The following ESPNL variants were observed in gnomAD, a reference collection of about 807,000 sequenced individuals.
ESPNL encodes the protein espin like, also known as espin-like protein.
A neutral mutation model predicts 46.8 loss-of-function variants in ESPNL; 49 were observed. The observed-to-expected ratio is 1.05, with a 90% CI of 0.83 to 1.33. The LOEUF (loss-of-function observed/expected upper bound fraction) is 1.33, where lower values mean the gene tolerates loss of function less well. Ranked by LOEUF, ESPNL falls within the 40% of genes most tolerant of loss-of-function variation. The pLI is 0.00. For synonymous variants in ESPNL, 664 were observed against 662.1 expected (o/e 1.00, Z -0.04); for missense variants, 1,540 against 1,436.6 (o/e 1.07, Z -1.16).
chr2:238,105,200 C>T (rs4663837), intron 3 of ESPNL, among the ~76,000 whole-genome samples: 20,592 of 152,128 alleles, frequency 0.14, 1,592 homozygotes, highest in South Asian at 0.29. Flanking sequence ...TTGGGCCACT[C>T]GACCACTTGT....
intron 4 of ESPNL, among the ~76,000 whole-genome samples, chr2:238,116,148 T>A (rs1041840483): frequency 6.6e-6 from 1 of 152,210 alleles, no homozygotes; most frequent in African/African-American, 2.4e-5. Context: ...CACAGAAATG[T>A]TTACAGAATA....
Position 238,130,660 on chromosome 2 carries a change from G to T in ESPNL, c.1946G>T (p.Gly649Val). Residue 649 changes from glycine (G) to valine (V), a missense_variant, in exon 9 of 9, where the codon GGG becomes GTG. Coordinates refer to ENST00000343063, the MANE Select transcript of ESPNL (RefSeq NM_194312.4). ...SEAQRQIQEWGVSVRTLRGNF... is the reference protein window; with the variant it reads ...SEAQRQIQEWVVSVRTLRGNF... ...GCCCAGCGCCAGATCCAGGAGTGGG[G>T]GGTGTCTGTGCGGACGCTGCGGGGC... 2 of 1,561,626 alleles carry T rather than the reference G, an allele frequency of 1.3e-6. No individual in the cohort carries two copies. Among genetic ancestry groups the T allele is most frequent in the South Asian group, 2.3e-5 (2 of 85,114 alleles).
intron 7 of ESPNL, among the ~76,000 whole-genome samples, chr2:238,128,295 C>G (rs1337005764): frequency 6.6e-6 from 1 of 152,216 alleles, no homozygotes; most frequent in Non-Finnish European, 1.5e-5. Context: ...AGAGCTGGAG[C>G]GCGCACGGCA....
chr2:238,122,340 G>C (rs904682351), intron 5 of ESPNL, among the ~76,000 whole-genome samples: 1 of 152,250 alleles, frequency 6.6e-6, no homozygotes, highest in Admixed American at 6.5e-5. Flanking sequence ...CTAATACCGA[G>C]GGTGGCAGCA....
At chr2:238,104,888 G>T in intron 3 of ESPNL, 46 bp downstream of exon 3, 1 of 1,392,790 alleles carries the variant, frequency 7.2e-7, no homozygotes, top group Non-Finnish European at 9.4e-7. Context: ...GGGAGTGTGG[G>T]CCCTCCAGCA....
At position 238,131,639 on chromosome 2, in the gene ESPNL, C is replaced by T; in HGVS notation, c.2925C>T (p.Gly975=). ...GGCTGGGGTCCCGCTCCCAGCAGGG[C>T]AGCTTCAACGGTGAGGACATCTGCG... ...AQRLGSRSQQ[G]SFNGEDICGY... The change falls in exon 9 of 9, where the codon GGC becomes GGT. Residue 975 remains glycine, a synonymous_variant. Transcript: ENST00000343063. The T allele has an allele frequency of 1.2e-6, 2 of 1,610,876 alleles. No individual in the cohort carries two copies. The highest frequency in any genetic ancestry group is 1.7e-6 in the Non-Finnish European group (2 of 1,178,344).
rs1378176446 is a variant in ESPNL, at chr2:238,107,909, C to G, written c.791C>G (p.Pro264Arg). The G allele has an allele frequency of 1.1e-5, 18 of 1,613,150 alleles. No individual in the cohort carries two copies. Among genetic ancestry groups the G allele is most frequent in the Non-Finnish European group, 1.5e-5 (18 of 1,179,894 alleles). ...GACCGACTCCTGCTCATGGGTACCC[C>G]CATCCTGAGAGACTCCTGGGGTGGG... ...ILDRLLLMGTPILRDSWGGTP... is the reference protein window; with the variant it reads ...ILDRLLLMGTRILRDSWGGTP... Residue 264 changes from proline to arginine, a missense_variant, in exon 4 of 9, where the codon CCC becomes CGC. Pro to Arg is a moderately radical substitution (Grantham distance 103). Transcript: ENST00000343063.
Position 238,128,881 on chromosome 2 carries a change from G to T in ESPNL, c.1390G>T (p.Ala464Ser). Residue 464 changes from alanine (A) to serine (S), a missense_variant, in exon 8 of 9, where the codon GCA (alanine) becomes TCA (serine). Coordinates refer to ENST00000343063, the MANE Select transcript of ESPNL (RefSeq NM_194312.4). ...MVRKLQARLGAESSAEAQDNG... is the reference protein window; with the variant it reads ...MVRKLQARLGSESSAEAQDNG... ...GCGGAAGCTGCAGGCGCGCCTGGGCGCAGAGAGCTCCGCAGAGGCCCAGGT... is the reference window on the plus strand; with the variant it reads ...GCGGAAGCTGCAGGCGCGCCTGGGCTCAGAGAGCTCCGCAGAGGCCCAGGT... The T allele has an allele frequency of 1.9e-6, 3 of 1,543,926 alleles. No homozygotes were observed. Among genetic ancestry groups the T allele is most frequent in the Non-Finnish European group, 2.6e-6 (3 of 1,146,378 alleles).
chr2:238,104,611 A>C, intron 2 of ESPNL, 45 bp from the exon 3 acceptor site: 2 of 1,497,260 alleles, frequency 1.3e-6, no homozygotes, highest in South Asian at 2.7e-5. Context: ...GGATGGGCTC[A>C]GCCATAGGCA....
intron 1 of ESPNL, 90 bp from the exon 2 acceptor site, chr2:238,101,851 G>A: frequency 2.2e-6 from 2 of 929,032 alleles, no homozygotes; most frequent in Non-Finnish European, 3.3e-6. Flanking sequence ...GTTGCAGGCA[G>A]TGTGAGCCCT....
Position 238,114,932 on chromosome 2 carries a change from G to T in ESPNL, c.856-1971G>T, listed in dbSNP as rs557857071. On this transcript the variant is annotated intron_variant, in intron 4 of 8. Transcript: ENST00000343063. This position sits in a 1 kb window ranked among gnomAD's most constrained non-coding sequence, Gnocchi z 5.0. The stretch of plus-strand genomic sequence containing the variant: ...TGCTTACTCTCTGGAGGGCAGCACG[G>T]CACCCAGGAAGGCAGGCAGTGCGTG... Among the ~76,000 whole-genome samples, 17 of 152,364 alleles carry T rather than the reference G, an allele frequency of 1.1e-4. No homozygotes were observed. Among genetic ancestry groups the T allele is most frequent in the African/African-American group, 4.1e-4 (17 of 41,584 alleles).
chr2:238,131,684 T>C lies in ESPNL; in HGVS notation c.2970T>C (p.Phe990=). The C allele has an allele frequency of 6.3e-7, 1 of 1,597,722 alleles. No individual in the cohort carries two copies. The highest frequency in any genetic ancestry group is 1.3e-5 in the African/African-American group (1 of 74,720). ...EDICGYINRS[F]AFWKEKEAEM... The stretch of plus-strand genomic sequence containing the variant: ...TCTGCGGCTACATCAACCGCAGCTT[T>C]GCCTTCTGGAAGGAGAAGGAAGCTG... The change falls in exon 9 of 9, where the codon TTT becomes TTC. Residue 990 remains phenylalanine (F), a synonymous_variant. Coordinates refer to ENST00000343063, the MANE Select transcript of ESPNL (RefSeq NM_194312.4).
chr2:238,126,290 TTC>T (rs1692111310), intron 6 of ESPNL, among the ~76,000 whole-genome samples: 1 of 151,188 alleles, frequency 6.6e-6, no homozygotes, highest in South Asian at 2.1e-4. Flanking sequence ...GTGTTTGTGT[TTC>T]TGTGCATGAT....
chr2:238,129,140 C>T (rs1033888340), intron 8 of ESPNL: 16 of 1,396,604 alleles, frequency 1.1e-5, no homozygotes, highest in East Asian at 7.9e-5. Context: ...TTCCACTTGG[C>T]GGATTTGTGG....
rs201769008 is a variant in ESPNL, at chr2:238,100,404, G to C, written c.-16G>C. The C allele has an allele frequency of 1.8e-4, 291 of 1,586,162 alleles. No individual in the cohort carries two copies. The highest frequency in any genetic ancestry group is 7.1e-4 in the African/African-American group (52 of 73,448). On this transcript the variant is annotated 5_prime_UTR_variant, in exon 1 of 9. Transcript: ENST00000343063. ...CAGCCTGTGCATGAGTCGCCACTGA[G>C]AGCCCGGGCCAGAGGATGGAGAAGC...
chr2:238,126,598 T>A (rs111163125), intron 6 of ESPNL, among the ~76,000 whole-genome samples: 28,377 of 149,420 alleles, frequency 0.19, 2,716 homozygotes, highest in East Asian at 0.24. Flanking sequence ...TCTGTGTGTA[T>A]CTGTGTGTGA....
chr2:238,108,939 C>A (rs10186582), intron 4 of ESPNL, among the ~76,000 whole-genome samples: 25,997 of 152,132 alleles, frequency 0.17, 2,269 homozygotes, highest in African/African-American at 0.21. Flanking sequence ...CCCAATCCCC[C>A]CTCCCGGCAG....
In ESPNL at chr2:238,100,626, C is replaced by G. The variant is rs780073124; in HGVS notation, c.207C>G (p.Asn69Lys). 3.4e-6 allele frequency: 5 copies of G among 1,484,484 alleles called. No individual in the cohort carries two copies. Among genetic ancestry groups the G allele is most frequent in the Non-Finnish European group, 4.5e-6 (5 of 1,122,162 alleles). 92.0% of individuals were successfully genotyped at this position (1,484,484 alleles called of 1,614,324 possible). Residue 69 changes from asparagine to lysine, a missense_variant, in exon 1 of 9, where the codon AAC becomes AAG. Coordinates refer to ENST00000343063, the MANE Select transcript of ESPNL (RefSeq NM_194312.4). The stretch of plus-strand genomic sequence containing the variant: ...TGCCCGGCAACCAGCGGGCCCACAA[C>G]GGGGCCACCCCAGCGCATGACGCCG... ...AQLPGNQRAH[N>K]GATPAHDAAA...
chr2:238,124,677 GTGTGTGCAGGAGAGTACGTGCA>G (rs1166604159), intron 5 of ESPNL, among the ~76,000 whole-genome samples: 1 of 104,088 alleles, frequency 9.6e-6, no homozygotes, highest in African/African-American at 3.9e-5. Context: ...GTACATGTGT[GTGTGTGCAGGAGAGTACGTGCA>G]TGTGTGTGCA....
Sources: gnomAD v4.1 joint callset for allele counts (sites outside exome capture counted in the v4.1 genomes callset) on GRCh38, gnomAD v4.1.1 for gene constraint, Gnocchi (gnomAD v3.1) non-coding constraint, MANE v1.5 for transcripts, NCBI Gene and HGNC (gene_info 2026-07-23, HGNC 2026-07-21) for gene names.